The following ATE1 variants were observed in gnomAD, a reference collection of about 807,000 sequenced individuals.
ATE1 encodes the protein arginyl-tRNA--protein transferase 1.
A neutral mutation model predicts 70.5 loss-of-function variants in ATE1; 36 were observed. That is an observed-to-expected ratio of 0.51 (90% CI 0.39 to 0.67). The LOEUF (loss-of-function observed/expected upper bound fraction) is 0.67. ATE1 is among the 30% of genes least tolerant of loss of function. The pLI is 0.00. For synonymous variants in ATE1, 232 were observed against 219.3 expected (o/e 1.06, Z -0.51); for missense variants, 593 against 629.5 (o/e 0.94, Z 0.62).
intron 11 of ATE1, among the ~76,000 whole-genome samples, chr10:121,753,698 A>G (rs1944680037): frequency 1.3e-5 from 2 of 152,224 alleles, no homozygotes; most frequent in Admixed American, 1.3e-4. Flanking sequence ...TTTCTATTCT[A>G]TGTTTTGACC....
chr10:121,895,375 C>T (rs543704734), intron 7 of ATE1, among the ~76,000 whole-genome samples: 2 of 152,230 alleles, frequency 1.3e-5, no homozygotes, highest in African/African-American at 2.4e-5. Context: ...CTCGGGAGGC[C>T]GAGGCGGGTG....
chr10:121,822,939 C>G (rs1193832119), intron 10 of ATE1, among the ~76,000 whole-genome samples: 1 of 152,098 alleles, frequency 6.6e-6, no homozygotes, highest in Non-Finnish European at 1.5e-5. Flanking sequence ...ACTGACTCAT[C>G]ATATACACCT....
intron 7 of ATE1, among the ~76,000 whole-genome samples, chr10:121,889,988 A>T (rs2134189267): frequency 6.6e-6 from 1 of 152,336 alleles, no homozygotes; most frequent in African/African-American, 2.4e-5. Context: ...CATAACATGC[A>T]CAACTTTCAA....
At position 121,759,227 on chromosome 10, in the gene ATE1, G is replaced by A. The variant is rs1402807990; in HGVS notation, c.1379-15369C>T. Among the ~76,000 whole-genome samples, 5 of 152,292 alleles carry A rather than the reference G, an allele frequency of 3.3e-5. No individual in the cohort carries two copies. In the East Asian group the frequency reaches 9.6e-4, roughly 29 times the overall value. Reference sequence around the variant, plus strand: ...TCATAAGTAAAACAGCCTTATTGCTGATATGGAGAAAGTCTTAGTGATCTG... The same window carrying A: ...TCATAAGTAAAACAGCCTTATTGCTAATATGGAGAAAGTCTTAGTGATCTG... On this transcript the variant is annotated intron_variant, in intron 11 of 11. Coordinates refer to ENST00000224652, the MANE Select transcript of ATE1 (RefSeq NM_001001976.3).
intron 8 of ATE1, among the ~76,000 whole-genome samples, chr10:121,855,976 T>A (rs1282878145): frequency 6.7e-6 from 1 of 150,358 alleles, no homozygotes; most frequent in Non-Finnish European, 1.5e-5. Flanking sequence ...CTCGGGAGGC[T>A]GAGGCAGGAG....
intron 10 of ATE1, among the ~76,000 whole-genome samples, chr10:121,795,653 C>T (rs1415223778): frequency 6.6e-6 from 1 of 152,190 alleles, no homozygotes; most frequent in Non-Finnish European, 1.5e-5. Context: ...AGTACAGGCT[C>T]ATTTCAGTGT....
chr10:121,860,896 C>T (rs1331058548), intron 8 of ATE1, among the ~76,000 whole-genome samples: 1 of 152,192 alleles, frequency 6.6e-6, no homozygotes, highest in East Asian at 1.9e-4. Flanking sequence ...TGAGCCCTTA[C>T]TTAACGTCGT....
intron 5 of ATE1, among the ~76,000 whole-genome samples, chr10:121,904,255 TACGGGCGTGAGCCACCGC>T (rs1295516678): frequency 6.6e-6 from 1 of 151,968 alleles, no homozygotes; most frequent in Non-Finnish European, 1.5e-5. Flanking sequence ...GTGCTAGGAT[TACGGGCGTGAGCCACCGC>T]ACCTGGCCGA....
At chr10:121,866,181 C>T (rs1341857304) in intron 8 of ATE1, among the ~76,000 whole-genome samples, 1 of 152,204 alleles carries the variant, frequency 6.6e-6, no homozygotes, top group Non-Finnish European at 1.5e-5. Context: ...GGCAAAGGAA[C>T]AGCAGCCCCT....
chr10:121,750,107 A>G (rs1944521601), intron 11 of ATE1, among the ~76,000 whole-genome samples: 1 of 152,164 alleles, frequency 6.6e-6, no homozygotes, highest in South Asian at 2.1e-4. Context: ...TTTATATACT[A>G]AAGGAAAAAA....
intron 10 of ATE1, among the ~76,000 whole-genome samples, chr10:121,816,099 T>C (rs989173072): frequency 2.6e-5 from 4 of 152,202 alleles, no homozygotes; most frequent in African/African-American, 7.2e-5. Context: ...ATAGCTAATA[T>C]GTTAGAGAAC....
At chr10:121,924,444 T>G in intron 1 of ATE1, 115 bp from the exon 2 acceptor site, 1 of 965,282 alleles carries the variant, frequency 1.0e-6, no homozygotes, top group Non-Finnish European at 1.6e-6. Context: ...CTCATGCCTG[T>G]AATCCCAGCA....
chr10:121,754,197 G>A (rs1478647998), intron 11 of ATE1, among the ~76,000 whole-genome samples: 1 of 152,072 alleles, frequency 6.6e-6, no homozygotes, highest in African/African-American at 2.4e-5. Flanking sequence ...CTGCTGAGAG[G>A]GCTTAGAAGC....
At position 121,743,866 on chromosome 10, in the gene ATE1, G is replaced by A. The variant is rs745823518; in HGVS notation, c.1379-8C>T. 47 of 1,542,602 alleles carry A rather than the reference G, an allele frequency of 3.0e-5. No individual in the cohort carries two copies. Among genetic ancestry groups the A allele is most frequent in the South Asian group, 8.4e-5 (7 of 83,588 alleles). Reference sequence around the variant, plus strand: ...TACTGCGATCCTCATCCACTGCAACGACAAAAAATACTGATTTGTAAAATG... The same window carrying A: ...TACTGCGATCCTCATCCACTGCAACAACAAAAAATACTGATTTGTAAAATG... On this transcript the variant is annotated splice_region_variant and splice_polypyrimidine_tract_variant and intron_variant, in intron 11 of 11. Transcript: ENST00000224652.
intron 8 of ATE1, among the ~76,000 whole-genome samples, chr10:121,862,819 T>C (rs1246534566): frequency 6.6e-6 from 1 of 152,136 alleles, no homozygotes; most frequent in Non-Finnish European, 1.5e-5. Context: ...TTGCTGTTCA[T>C]TGGCATAAGA....
intron 7 of ATE1, among the ~76,000 whole-genome samples, chr10:121,892,712 A>G (rs1368081267): frequency 6.6e-6 from 1 of 151,846 alleles, no homozygotes; most frequent in Non-Finnish European, 1.5e-5. Flanking sequence ...AGAGGGTTTC[A>G]CCATGTTGGC....
chr10:121,805,740 T>C (rs796198559), intron 10 of ATE1, among the ~76,000 whole-genome samples: 7 of 152,324 alleles, frequency 4.6e-5, no homozygotes, highest in African/African-American at 1.7e-4. Flanking sequence ...TTAAAATCCT[T>C]AACGTTTGCA....
Position 121,910,933 on chromosome 10 carries a change from C to A in ATE1, c.556G>T (p.Val186Phe), listed in dbSNP as rs773205938. The A allele has an allele frequency of 2.5e-6, 4 of 1,613,380 alleles. No homozygotes were observed. The East Asian group carries it at 8.9e-5, about 36-fold the overall frequency. Reference protein sequence around the residue: ...KLGSGEPSHSVKVHTVPKPGK... With the variant: ...KLGSGEPSHSFKVHTVPKPGK... ...GGCTTAGGAACTGTGTGAACTTTAA[C>A]TGAATGTGACGGTTCACCAGAGCCC... Residue 186 changes from valine (V) to phenylalanine (F), a missense_variant, in exon 5 of 12, where the codon GTT becomes TTT. By Grantham distance (50) the Val-to-Phe change is conservative. Around this residue, in one of 3 missense-constraint regions of ATE1, gnomAD observed 467 missense variants for 469.6 expected, o/e 0.99. Coordinates refer to ENST00000224652, the MANE Select transcript of ATE1 (RefSeq NM_001001976.3).
intron 3 of ATE1, among the ~76,000 whole-genome samples, chr10:121,915,890 C>CA (rs535820496): frequency 2.0e-3 from 197 of 97,960 alleles, no homozygotes; most frequent in South Asian, 0.016. Flanking sequence ...GACTCCATCT[C>CA]AAAAAAAAAA....
Sources: gnomAD v4.1 joint callset for allele counts (sites outside exome capture counted in the v4.1 genomes callset) on GRCh38, gnomAD v4.1.1 for gene constraint, gnomAD v4.1.1 regional missense constraint, MANE v1.5 for transcripts, NCBI Gene and HGNC (gene_info 2026-07-23, HGNC 2026-07-21) for gene names.